EVI5: variants seen among roughly 807,000 people sequenced by gnomAD.
EVI5 encodes ecotropic viral integration site 5 protein homolog.
A neutral mutation model predicts 112.0 loss-of-function variants in EVI5; 73 were observed. The ratio of observed to expected loss-of-function variants is 0.65; its 90% confidence interval spans 0.54 to 0.79. EVI5 has a LOEUF of 0.79. Ranked by LOEUF, EVI5 falls within the 30% of genes least tolerant of loss-of-function variation. The pLI, the probability that EVI5 is intolerant of heterozygous loss-of-function variation, is 0.00. For missense variants in EVI5, 900 were observed against 968.8 expected (o/e 0.93, Z 0.94); for synonymous variants, 305 against 319.9 (o/e 0.95, Z 0.50).
At chr1:92,593,263 A>G (rs1437409609) in intron 18 of EVI5, among the ~76,000 whole-genome samples, 1 of 152,224 alleles carries the variant, frequency 6.6e-6, no homozygotes, top group African/African-American at 2.4e-5. Context: ...AGGCTGGTTC[A>G]ACATAGCAAA....
intron 18 of EVI5, among the ~76,000 whole-genome samples, chr1:92,575,270 G>C (rs992128159): frequency 1.5e-4 from 23 of 152,256 alleles, no homozygotes; most frequent in African/African-American, 5.3e-4. Flanking sequence ...CACACACACA[G>C]ATTTTTTTCC....
intron 15 of EVI5, among the ~76,000 whole-genome samples, chr1:92,625,293 G>A (rs10874725): frequency 0.57 from 87,104 of 151,808 alleles, 26,720 homozygotes; most frequent in East Asian, 0.92. Flanking sequence ...GCCTAATTTC[G>A]GTCCTTATAT....
intron 1 of EVI5, among the ~76,000 whole-genome samples, chr1:92,742,886 C>A (rs1678637537): frequency 6.6e-6 from 1 of 152,152 alleles, no homozygotes; most frequent in Non-Finnish European, 1.5e-5. Context: ...AGCAATTCCA[C>A]TTCTGGGTAT....
At chr1:92,517,148 T>C (rs1660043866) in intron 19 of EVI5, among the ~76,000 whole-genome samples, 1 of 152,196 alleles carries the variant, frequency 6.6e-6, no homozygotes, top group South Asian at 2.1e-4. Context: ...ATTCAAACAA[T>C]TGTGGGTCCA....
At chr1:92,552,918 A>T (rs924075398) in intron 19 of EVI5, among the ~76,000 whole-genome samples, 1 of 151,616 alleles carries the variant, frequency 6.6e-6, no homozygotes, top group Non-Finnish European at 1.5e-5. Context: ...TCATGTTTTC[A>T]TTAATTAACC....
chr1:92,751,404 G>A (rs1167033556), intron 1 of EVI5, among the ~76,000 whole-genome samples: 2 of 152,096 alleles, frequency 1.3e-5, no homozygotes, highest in Non-Finnish European at 2.9e-5. Context: ...CATATCACAT[G>A]TGCTATCAAT....
At chr1:92,640,739 A>G (rs1396645403) in intron 13 of EVI5, among the ~76,000 whole-genome samples, 1 of 152,246 alleles carries the variant, frequency 6.6e-6, no homozygotes, top group African/African-American at 2.4e-5. Context: ...GCATATACCC[A>G]AAAGAATACA....
In EVI5 at chr1:92,513,383, A is replaced by G. The variant is rs2101621739; in HGVS notation, c.*273T>C. 1 of 159,938 alleles carries G rather than the reference A, an allele frequency of 6.3e-6. No homozygotes were observed. Among genetic ancestry groups the G allele is most frequent in the African/African-American group, 2.4e-5 (1 of 41,720 alleles). The allele number at this position is 159,938 out of a possible 1,614,324, so 9.9% of individuals were successfully genotyped here. Reference sequence around the variant, plus strand: ...ATATAGTTGCATTTTCTAAACAAGAAACATTAATATTCAGTAATACTGTTA... The same window carrying G: ...ATATAGTTGCATTTTCTAAACAAGAGACATTAATATTCAGTAATACTGTTA... On this transcript the variant is annotated 3_prime_UTR_variant, in exon 20 of 20. Coordinates refer to ENST00000684568, the MANE Select transcript of EVI5 (RefSeq NM_001350197.2).
intron 16 of EVI5, among the ~76,000 whole-genome samples, chr1:92,618,221 C>A (rs554478885): frequency 2.7e-4 from 41 of 152,256 alleles, no homozygotes; most frequent in African/African-American, 9.9e-4. Flanking sequence ...CAAGTGGCAC[C>A]ACTCACCATC....
intron 16 of EVI5, among the ~76,000 whole-genome samples, chr1:92,618,138 T>A (rs969201804): frequency 2.0e-5 from 3 of 152,140 alleles, no homozygotes; most frequent in Non-Finnish European, 2.9e-5. Context: ...ATGCTCTGAA[T>A]CAGCATCCAA....
chr1:92,716,117 C>T (rs555949894), intron 2 of EVI5, among the ~76,000 whole-genome samples: 38 of 152,270 alleles, frequency 2.5e-4, no homozygotes, highest in African/African-American at 9.1e-4. Context: ...GTAGTTCTCC[C>T]ATCATGGTGT....
intron 9 of EVI5, among the ~76,000 whole-genome samples, chr1:92,682,598 C>T (rs1026418187): frequency 1.3e-5 from 2 of 152,216 alleles, no homozygotes; most frequent in South Asian, 2.1e-4. Flanking sequence ...CCAGTCTCTA[C>T]TAAAAATTTT....
chr1:92,789,339 G>A (rs186522242), upstream of EVI5, among the ~76,000 whole-genome samples: 13 of 150,970 alleles, frequency 8.6e-5, no homozygotes, highest in Admixed American at 2.0e-4. Context: ...TTCTCGCTCC[G>A]TCGCCCAGGC....
chr1:92,635,088 C>A (rs574055734), intron 14 of EVI5, among the ~76,000 whole-genome samples: 7 of 152,194 alleles, frequency 4.6e-5, no homozygotes, highest in African/African-American at 1.2e-4. Flanking sequence ...CAGTCTGCCC[C>A]TACTGGGGGG....
intron 1 of EVI5, among the ~76,000 whole-genome samples, chr1:92,764,025 T>A (rs1029834426): frequency 1.3e-5 from 2 of 151,646 alleles, no homozygotes; most frequent in Non-Finnish European, 2.9e-5. Context: ...GGCTTAAGTT[T>A]AAAAAAAAAT....
At chr1:92,540,996 C>T (rs1029043077) in intron 19 of EVI5, among the ~76,000 whole-genome samples, 5 of 152,074 alleles carry the variant, frequency 3.3e-5, no homozygotes, top group African/African-American at 4.8e-5. Context: ...ATTGCTTGGC[C>T]CCGGGAGGCG....
chr1:92,563,288 C>T (rs1345167324), intron 19 of EVI5, among the ~76,000 whole-genome samples: 2 of 152,066 alleles, frequency 1.3e-5, no homozygotes, highest in Non-Finnish European at 2.9e-5. Context: ...ACGGTAAATA[C>T]CACAAATCTA....
intron 6 of EVI5, among the ~76,000 whole-genome samples, chr1:92,696,997 G>A (rs890714663): frequency 7.2e-5 from 11 of 152,046 alleles, no homozygotes; most frequent in African/African-American, 2.4e-4. Context: ...CCGACACCAC[G>A]CCACTGCACT....
At chr1:92,623,866 G>A (rs891793853) in intron 16 of EVI5, among the ~76,000 whole-genome samples, 31 of 152,194 alleles carry the variant, frequency 2.0e-4, no homozygotes, top group Admixed American at 1.3e-4. Context: ...TAAAAGTGTT[G>A]AGGTTGAGAA....
Sources: gnomAD v4.1 joint callset for allele counts (sites outside exome capture counted in the v4.1 genomes callset) on GRCh38, gnomAD v4.1.1 for gene constraint, MANE v1.5 for transcripts, NCBI Gene and HGNC (gene_info 2026-07-23, HGNC 2026-07-21) for gene names.